Variants in P2RX7 observed in about 807,000 individuals in gnomAD.
P2RX7 encodes the protein purinergic receptor P2X 7.
In P2RX7, 62 loss-of-function variants were observed where a neutral mutation model predicts 71.6. The ratio of observed to expected loss-of-function variants is 0.87; its 90% CI spans 0.71 to 1.07. The LOEUF (loss-of-function observed/expected upper bound fraction) is 1.07. P2RX7 is among the 50% of genes least tolerant of loss of function. P2RX7 has a pLI of 0.00. For missense variants in P2RX7, 686 were observed against 748.5 expected, an observed-to-expected ratio of 0.92 and a Z score of 0.97; for synonymous variants, 299 against 283.3, an observed-to-expected ratio of 1.06 and a Z score of -0.56.
intron 1 of P2RX7, among the ~76,000 whole-genome samples, chr12:121,145,853 G>A (rs1876071853): frequency 6.6e-6 from 1 of 152,120 alleles, no homozygotes; most frequent in African/African-American, 2.4e-5. Flanking sequence ...AGAGAGGCAT[G>A]GAGTGGTGGT....
chr12:121,156,190 C>A, intron 3 of P2RX7, 43 bp downstream of exon 3: 1 of 1,526,318 alleles, frequency 6.6e-7, no homozygotes, highest in Non-Finnish European at 9.1e-7. Context: ...CTTAAGAGTT[C>A]CTGGGGGAGG....
In P2RX7 at chr12:121,132,903, C is replaced by G. The variant is rs2135958053; in HGVS notation, c.-68C>G. On this transcript the variant is annotated 5_prime_UTR_variant, in exon 1 of 13. Coordinates refer to ENST00000328963, the MANE Select transcript of P2RX7 (RefSeq NM_002562.6). Reference sequence around the variant, plus strand: ...TCATTTTGCAGTTACTGGGAGGGGGCTTGCTGTGGCCCTGTCAGGAAGAGT... The same window carrying G: ...TCATTTTGCAGTTACTGGGAGGGGGGTTGCTGTGGCCCTGTCAGGAAGAGT... 6.3e-7 allele frequency: 1 copy of G among 1,593,064 alleles called. No individual in the cohort carries two copies. Among genetic ancestry groups the G allele is most frequent in the Non-Finnish European group, 8.6e-7 (1 of 1,168,602 alleles).
chr12:121,133,412 G>A (rs559790415), intron 1 of P2RX7, among the ~76,000 whole-genome samples: 16 of 152,236 alleles, frequency 1.1e-4, no homozygotes, highest in East Asian at 3.8e-4. Context: ...GGGAGGAGGC[G>A]AGGATCTCAG....
chr12:121,135,522 C>T (rs1229593361), intron 1 of P2RX7, among the ~76,000 whole-genome samples: 1 of 151,932 alleles, frequency 6.6e-6, no homozygotes, highest in African/African-American at 2.4e-5. Flanking sequence ...TTGGTTTCAT[C>T]ATCTGTAAAA....
At chr12:121,153,218 G>A (rs1877828860) in intron 1 of P2RX7, among the ~76,000 whole-genome samples, 1 of 152,230 alleles carries the variant, frequency 6.6e-6, no homozygotes, top group Admixed American at 6.5e-5. Context: ...ACACAGCCAA[G>A]GTGGAGAACA....
intron 1 of P2RX7, among the ~76,000 whole-genome samples, chr12:121,148,761 C>G (rs902889470): frequency 6.6e-6 from 1 of 152,176 alleles, no homozygotes; most frequent in Non-Finnish European, 1.5e-5. Flanking sequence ...TTGCTGAGCC[C>G]CCACCATGGC....
intron 1 of P2RX7, among the ~76,000 whole-genome samples, chr12:121,150,892 G>T (rs1217246055): frequency 6.6e-6 from 1 of 152,208 alleles, no homozygotes; most frequent in Non-Finnish European, 1.5e-5. Flanking sequence ...CTTGGCAACA[G>T]AGTGAGACTC....
intron 11 of P2RX7, among the ~76,000 whole-genome samples, chr12:121,179,764 A>C (rs1286888287): frequency 6.6e-6 from 1 of 152,240 alleles, no homozygotes; most frequent in African/African-American, 2.4e-5. Context: ...AATTGACAGA[A>C]TACAACAAAG....
chr12:121,143,526 C>T (rs1426287377), intron 1 of P2RX7, among the ~76,000 whole-genome samples: 1 of 151,768 alleles, frequency 6.6e-6, no homozygotes. Context: ...TGCACTCCAG[C>T]CTGGGCGACA....
chr12:121,163,573 A>ATAAATAG (rs1565958715), intron 5 of P2RX7, among the ~76,000 whole-genome samples: 1 of 94,200 alleles, frequency 1.1e-5, no homozygotes, highest in Non-Finnish European at 2.2e-5. Context: ...TAGATAGATA[A>ATAAATAG]ATAGATAATA....
At chr12:121,159,339 C>T (rs1252942242) in intron 3 of P2RX7, among the ~76,000 whole-genome samples, 1 of 147,060 alleles carries the variant, frequency 6.8e-6, no homozygotes, top group African/African-American at 2.5e-5. Flanking sequence ...ATTGCCTGAA[C>T]TCAGGAGGTG....
chr12:121,133,237 G>A, intron 1 of P2RX7, 142 bp downstream of exon 1: 3 of 937,650 alleles, frequency 3.2e-6, no homozygotes, highest in Non-Finnish European at 5.0e-6. Flanking sequence ...TGGGCGGGAG[G>A]GAGGAAGCAG....
In P2RX7 at chr12:121,184,350, C is replaced by T; in HGVS notation, c.1336C>T (p.Leu446Phe). The change falls in exon 13 of 13, where the codon CTC (leucine) becomes TTC (phenylalanine). Residue 446 changes from leucine (L) to phenylalanine (F), a missense_variant. Transcript: ENST00000328963. ...AGATTTGTCCAGGCTGCCCCTGGCC[C>T]TCCATGACACACCCCCGATTCCTGG... ...FTDLSRLPLA[L>F]HDTPPIPGQP... 3.7e-6 allele frequency: 6 copies of T among 1,613,988 alleles called. No homozygotes were observed. The highest frequency in any genetic ancestry group is 5.1e-6 in the Non-Finnish European group (6 of 1,179,984).
intron 1 of P2RX7, among the ~76,000 whole-genome samples, chr12:121,153,843 T>C (rs1458709455): frequency 6.6e-6 from 1 of 152,122 alleles, no homozygotes; most frequent in Admixed American, 6.6e-5. Context: ...CCTGGTGTGG[T>C]GGCCCACACC....
chr12:121,177,123 TA>T, intron 9 of P2RX7, 23 bp from the exon 10 acceptor site: 1 of 1,609,428 alleles, frequency 6.2e-7, no homozygotes, highest in South Asian at 1.1e-5. Flanking sequence ...TTCACCTGAG[TA>T]AACTCTCCCA....
At chr12:121,137,160 T>C (rs1430309406) in intron 1 of P2RX7, among the ~76,000 whole-genome samples, 1 of 152,198 alleles carries the variant, frequency 6.6e-6, no homozygotes, top group Non-Finnish European at 1.5e-5. Context: ...CCGGGTTCGC[T>C]GGAGTAGGTG....
At position 121,178,906 on chromosome 12, in the gene P2RX7, TA is replaced by T. The variant is rs747046468; in HGVS notation, c.1189-1439del. 1.2e-3 allele frequency among the ~76,000 whole-genome samples: 177 copies of T among 150,762 alleles called. 1 individual carries two copies. Among genetic ancestry groups the T allele is most frequent in the South Asian group, 2.5e-3 (12 of 4,776 alleles). On this transcript the variant is annotated intron_variant, in intron 11 of 12. Coordinates refer to ENST00000328963, the MANE Select transcript of P2RX7 (RefSeq NM_002562.6). Reference sequence around the variant, plus strand: ...AATATATGTTATATGATATATAGGTTAAAAAAAAATCACTAGACACAGAAGC... The same window carrying T: ...AATATATGTTATATGATATATAGGTTAAAAAAAATCACTAGACACAGAAGC...
intron 7 of P2RX7, among the ~76,000 whole-genome samples, chr12:121,166,735 C>G (rs1881115566): frequency 6.6e-6 from 1 of 152,080 alleles, no homozygotes; most frequent in Admixed American, 6.6e-5. Flanking sequence ...CCAGGATAAT[C>G]TCCCATCTCA....
At chr12:121,142,953 C>T (rs1453039562) in intron 1 of P2RX7, among the ~76,000 whole-genome samples, 1 of 151,272 alleles carries the variant, frequency 6.6e-6, no homozygotes, top group African/African-American at 2.4e-5. Context: ...GCTGGGCGCG[C>T]ACCTGTAGTC....
Sources: allele counts gnomAD v4.1 joint callset (sites outside exome capture counted in the v4.1 genomes callset), GRCh38; gene constraint gnomAD v4.1.1; transcripts MANE v1.5; gene names NCBI Gene and HGNC (gene_info 2026-07-23, HGNC 2026-07-21).